Variants in GPC5 observed in about 807,000 individuals in gnomAD.
The protein encoded by GPC5 is glypican 5.
GPC5 carries 47 observed loss-of-function variants against 53.9 expected under a neutral mutation model. The ratio of observed to expected loss-of-function variants is 0.87; its 90% CI spans 0.69 to 1.11. The LOEUF is 1.11. Ranked by LOEUF, GPC5 falls within the 50% of genes most tolerant of loss-of-function variation. The pLI is 0.00. For missense variants in GPC5, 748 were observed against 713.1 expected, an observed-to-expected ratio of 1.05 and a Z score of -0.56; for synonymous variants, 286 against 263.3, an observed-to-expected ratio of 1.09 and a Z score of -0.84.
intron 6 of GPC5, among the ~76,000 whole-genome samples, chr13:92,075,353 A>G (rs1013946732): frequency 3.3e-5 from 5 of 152,238 alleles, no homozygotes; most frequent in Non-Finnish European, 5.9e-5. Flanking sequence ...CTCTAACATT[A>G]GCAACAAAAC....
intron 2 of GPC5, among the ~76,000 whole-genome samples, chr13:91,682,871 G>A (rs2035539565): frequency 6.6e-6 from 1 of 152,098 alleles, no homozygotes; most frequent in Admixed American, 6.5e-5. Context: ...ATCAGTACGT[G>A]GAAGACCTTG....
chr13:92,286,093 C>T (rs896208965), intron 7 of GPC5, among the ~76,000 whole-genome samples: 4 of 152,148 alleles, frequency 2.6e-5, no homozygotes, highest in Non-Finnish European at 5.9e-5. Context: ...AGAGACACTT[C>T]TCAAAAGAAG....
At chr13:92,440,956 C>A (rs1877529003) in intron 7 of GPC5, among the ~76,000 whole-genome samples, 1 of 152,020 alleles carries the variant, frequency 6.6e-6, no homozygotes, top group African/African-American at 2.4e-5. Context: ...GATATTAGAC[C>A]TTTGTTGGAT....
intron 7 of GPC5, among the ~76,000 whole-genome samples, chr13:92,161,866 G>C (rs2041990332): frequency 6.7e-6 from 1 of 149,004 alleles, no homozygotes; most frequent in South Asian, 2.1e-4. Context: ...GATTATGTTT[G>C]AGTTCCTTTA....
intron 4 of GPC5, among the ~76,000 whole-genome samples, chr13:91,741,153 AG>A (rs143380613): frequency 0.021 from 3,210 of 152,296 alleles, 105 homozygotes; most frequent in African/African-American, 0.072. Context: ...TTTGATGTCA[AG>A]GTGGGGAATG....
chr13:91,687,875 T>C (rs1566610000), intron 2 of GPC5, among the ~76,000 whole-genome samples: 1 of 152,098 alleles, frequency 6.6e-6, no homozygotes, highest in Non-Finnish European at 1.5e-5. Context: ...AGAAGTATTT[T>C]TATGTATTAT....
chr13:91,827,380 G>T (rs2038591637), intron 5 of GPC5, among the ~76,000 whole-genome samples: 1 of 151,800 alleles, frequency 6.6e-6, no homozygotes, highest in Non-Finnish European at 1.5e-5. Flanking sequence ...CTTATAATAT[G>T]CACACAGGCA....
At chr13:92,100,510 C>A (rs550767936) in intron 6 of GPC5, among the ~76,000 whole-genome samples, 4 of 152,106 alleles carry the variant, frequency 2.6e-5, no homozygotes, top group Non-Finnish European at 5.9e-5. Context: ...TTGTTAAAAT[C>A]GAAACTAAAA....
chr13:91,856,486 T>G (rs559363049), intron 5 of GPC5, among the ~76,000 whole-genome samples: 5 of 151,784 alleles, frequency 3.3e-5, no homozygotes, highest in South Asian at 4.1e-4. Flanking sequence ...CAATATTTAG[T>G]GTTGTCATTT....
chr13:92,600,875 C>T (rs1359037934), intron 7 of GPC5, among the ~76,000 whole-genome samples: 1 of 152,014 alleles, frequency 6.6e-6, no homozygotes, highest in Admixed American at 6.6e-5. Flanking sequence ...GTTAAATTTA[C>T]CCAAATATGA....
intron 2 of GPC5, among the ~76,000 whole-genome samples, chr13:91,549,063 G>T (rs2030468012): frequency 6.6e-6 from 1 of 152,120 alleles, no homozygotes; most frequent in African/African-American, 2.4e-5. Context: ...TAGGTCAAGA[G>T]TTCGAGACCA....
chr13:92,823,629 T>C (rs917801965), intron 7 of GPC5, among the ~76,000 whole-genome samples: 1 of 152,046 alleles, frequency 6.6e-6, no homozygotes, highest in Admixed American at 6.6e-5. Flanking sequence ...GTCATTGACA[T>C]TGAAAAACTC....
At chr13:92,453,589 G>A (rs1878149957) in intron 7 of GPC5, among the ~76,000 whole-genome samples, 2 of 152,012 alleles carry the variant, frequency 1.3e-5, no homozygotes, top group Admixed American at 6.6e-5. Context: ...CTAACTAAAG[G>A]CATTGCAATG....
chr13:91,849,453 C>A (rs1278934956), intron 5 of GPC5, among the ~76,000 whole-genome samples: 2 of 152,090 alleles, frequency 1.3e-5, no homozygotes, highest in African/African-American at 2.4e-5. Context: ...ATATTTTATA[C>A]CTTCCAGTAT....
At chr13:92,639,658 T>C (rs1885522701) in intron 7 of GPC5, among the ~76,000 whole-genome samples, 1 of 152,214 alleles carries the variant, frequency 6.6e-6, no homozygotes, top group Admixed American at 6.5e-5. Context: ...TATTCAAACA[T>C]TATCTTTTCA....
At chr13:92,015,205 T>C (rs1012878316) in intron 6 of GPC5, among the ~76,000 whole-genome samples, 10 of 152,134 alleles carry the variant, frequency 6.6e-5, no homozygotes, top group African/African-American at 2.2e-4. Context: ...TATCTTACAA[T>C]ACCCAGGACA....
At chr13:91,771,861 A>G (rs1317810179) in intron 5 of GPC5, among the ~76,000 whole-genome samples, 2 of 152,226 alleles carry the variant, frequency 1.3e-5, no homozygotes, top group African/African-American at 4.8e-5. Context: ...CAAATAAAAT[A>G]CAAGCACACA....
chr13:92,238,376 A>G (rs1408959459), intron 7 of GPC5, among the ~76,000 whole-genome samples: 1 of 151,954 alleles, frequency 6.6e-6, no homozygotes, highest in Non-Finnish European at 1.5e-5. Context: ...CTTATTTTCT[A>G]TCCTTTTGAT....
intron 6 of GPC5, among the ~76,000 whole-genome samples, chr13:92,002,892 G>T (rs1240766833): frequency 6.6e-6 from 1 of 152,148 alleles, no homozygotes; most frequent in East Asian, 1.9e-4. Context: ...CAGGGTGGAT[G>T]GATGTAACCA....
Sources: gnomAD v4.1 joint callset for allele counts (sites outside exome capture counted in the v4.1 genomes callset) on GRCh38, gnomAD v4.1.1 for gene constraint, MANE v1.5 for transcripts, NCBI Gene and HGNC (gene_info 2026-07-23, HGNC 2026-07-21) for gene names.